Variants in BTBD8 observed in about 807,000 individuals in gnomAD.
BTBD8 encodes BTB/POZ domain-containing protein 8.
A neutral mutation model predicts 162.9 loss-of-function variants in BTBD8; 110 were observed. The ratio of observed to expected loss-of-function variants is 0.68; its 90% CI spans 0.58 to 0.79. The LOEUF (loss-of-function observed/expected upper bound fraction) is 0.79, where lower values mean the gene tolerates loss of function less well. BTBD8 is among the 30% of genes least tolerant of loss of function. The probability of loss-of-function intolerance (pLI) is 0.00; values close to 1 mark genes in which losing one functional copy is unlikely to be tolerated. For synonymous variants in BTBD8, 667 were observed against 716.1 expected (o/e 0.93, Z 1.10); for missense variants, 1,905 against 2,085.4 (o/e 0.91, Z 1.68).
At chr1:92,114,886 G>A (rs1648992923) in intron 4 of BTBD8, 2 of 326,992 alleles carry the variant, frequency 6.1e-6, no homozygotes, top group Middle Eastern at 1.2e-3. Flanking sequence ...AAATGAGCTT[G>A]ACAAAGTGGT....
chr1:92,100,271 A>G (rs1287877958), intron 2 of BTBD8, among the ~76,000 whole-genome samples: 1 of 152,168 alleles, frequency 6.6e-6, no homozygotes, highest in Non-Finnish European at 1.5e-5. Flanking sequence ...TTACACTAAT[A>G]AGGAATGTTG....
rs1219499843 is a variant in BTBD8 at position 92,177,881 on chromosome 1, C to G, written c.2424C>G (p.Asp808Glu). 1 of 1,524,104 alleles carries G rather than the reference C, an allele frequency of 6.6e-7. No homozygotes were observed. Among genetic ancestry groups the G allele is most frequent in the Admixed American group, 2.0e-5 (1 of 50,752 alleles). The allele number at this position is 1,524,104 out of a possible 1,614,324, so 94.4% of individuals were successfully genotyped here. A position where few individuals can be genotyped will look rare whatever the true frequency, so the allele number is the denominator to read the frequency against. The stretch of plus-strand genomic sequence containing the variant: ...ATAAAAAAAGTATTCATGAACAAGA[C>G]ACTAATGTAAATAACAGGTAGGTCT... ...TSNKKSIHEQDTNVNNSVLKK... is the reference protein window; with the variant it reads ...TSNKKSIHEQETNVNNSVLKK... Residue 808 changes from aspartate (D) to glutamate (E), a missense_variant, in exon 15 of 18, where the codon GAC (aspartate) becomes GAG (glutamate). Coordinates refer to ENST00000636805, the MANE Select transcript of BTBD8 (RefSeq NM_001376131.1).
chr1:92,163,893 C>G (rs1430733995), intron 9 of BTBD8, among the ~76,000 whole-genome samples: 1 of 152,058 alleles, frequency 6.6e-6, no homozygotes, highest in Non-Finnish European at 1.5e-5. Flanking sequence ...GACAATTATA[C>G]TCTATATCTG....
intron 5 of BTBD8, among the ~76,000 whole-genome samples, chr1:92,132,976 C>T (rs2101932604): frequency 6.6e-6 from 1 of 152,092 alleles, no homozygotes; most frequent in South Asian, 2.1e-4. Context: ...TTTGCCTTTC[C>T]CTGTTGTATC....
At chr1:92,154,982 A>G (rs1026633562) in intron 9 of BTBD8, among the ~76,000 whole-genome samples, 1 of 152,140 alleles carries the variant, frequency 6.6e-6, no homozygotes, top group African/African-American at 2.4e-5. Context: ...TTGCTTATGG[A>G]TATCCAGTTT....
At chr1:92,088,087 A>G (rs1233606107) in intron 1 of BTBD8, among the ~76,000 whole-genome samples, 1 of 152,188 alleles carries the variant, frequency 6.6e-6, no homozygotes, top group African/African-American at 2.4e-5. Context: ...CATTTTAATG[A>G]TAGATTAGAG....
rs753226586 is a variant in BTBD8 at position 92,177,130 on chromosome 1, A to T, written c.1937A>T (p.Asp646Val). The T allele has an allele frequency of 6.4e-7, 1 of 1,551,646 alleles. No homozygotes were observed. The highest frequency in any genetic ancestry group is 1.4e-5 in the African/African-American group (1 of 73,050). Reference sequence around the variant, plus strand: ...ACAAAATCCAAAACAGAAAATGGTGATAAGGCACGGTTGGAAAACATGTCA... The same window carrying T: ...ACAAAATCCAAAACAGAAAATGGTGTTAAGGCACGGTTGGAAAACATGTCA... ...TVTKSKTENG[D>V]KARLENMSPR... The change falls in exon 14 of 18, where the codon GAT (aspartate) becomes GTT (valine). Residue 646 changes from aspartate to valine, a missense_variant. By Grantham distance (152) the Asp-to-Val change is radical (BLOSUM62 -3). This residue lies in a region of BTBD8 where 1,374 missense variants were observed against 1,442.7 expected (regional missense o/e 0.95). Transcript: ENST00000636805.
intron 9 of BTBD8, among the ~76,000 whole-genome samples, chr1:92,163,546 C>G (rs971794577): frequency 6.6e-6 from 1 of 151,248 alleles, no homozygotes; most frequent in Non-Finnish European, 1.5e-5. Flanking sequence ...GAGAGGAAGA[C>G]TTTTCCTAGA....
intron 17 of BTBD8, 65 bp downstream of exon 17, chr1:92,182,660 A>G (rs1650950961): frequency 3.0e-6 from 3 of 1,011,746 alleles, no homozygotes; most frequent in Non-Finnish European, 4.1e-6. Flanking sequence ...TTAAAGTTGT[A>G]TGAAGCCCTG....
At chr1:92,164,859 G>T (rs1007717028) in intron 9 of BTBD8, among the ~76,000 whole-genome samples, 3 of 151,634 alleles carry the variant, frequency 2.0e-5, no homozygotes, top group Non-Finnish European at 4.4e-5. Flanking sequence ...TCACCGTGTT[G>T]ACCAGGATGG....
intron 9 of BTBD8, among the ~76,000 whole-genome samples, chr1:92,158,658 C>G (rs1006451640): frequency 1.3e-5 from 2 of 152,120 alleles, no homozygotes; most frequent in Non-Finnish European, 2.9e-5. Flanking sequence ...AAATATACCA[C>G]TCTAGTGTTG....
At position 92,080,478 on chromosome 1, in the gene BTBD8, C is replaced by G. The variant is rs1230193715; in HGVS notation, c.-94C>G. On this transcript the variant is annotated 5_prime_UTR_variant, in exon 1 of 18. Coordinates refer to ENST00000636805, the MANE Select transcript of BTBD8 (RefSeq NM_001376131.1). ...CCTAGGGGGCGGATTTGGGTAGGAG[C>G]CGAGCGTTCGGTCGGAAACGCCCCC... The G allele has an allele frequency of 1.3e-6, 2 of 1,547,338 alleles. No individual in the cohort carries two copies. The highest frequency in any genetic ancestry group is 8.7e-7 in the Non-Finnish European group (1 of 1,151,698).
At chr1:92,080,754 T>C in intron 1 of BTBD8, 34 bp downstream of exon 1, 1 of 1,588,762 alleles carries the variant, frequency 6.3e-7, no homozygotes, top group Non-Finnish European at 8.6e-7. Context: ...CTGCTTCAGT[T>C]CCTAAATCGC....
In BTBD8 at chr1:92,178,407, A is replaced by G; in HGVS notation, c.2537A>G (p.Gln846Arg). ...ACTAGCAATGGATGTACTGCAGCTC[A>G]GCAGAGGACAAAGAGTACCCCATCT... ...RGTSNGCTAA[Q>R]QRTKSTPSNL... is the part of the protein sequence containing the mutation. The change falls in exon 16 of 18, where the codon CAG (glutamine) becomes CGG (arginine). Residue 846 changes from glutamine (Q) to arginine (R), a missense_variant. Physicochemically the swap from Gln to Arg is conservative, Grantham distance 43 (BLOSUM62 1). Around this residue, in one of 3 missense-constraint regions of BTBD8, gnomAD observed 1,374 missense variants for 1,442.7 expected, o/e 0.95. Transcript: ENST00000636805. The G allele has an allele frequency of 6.4e-7, 1 of 1,551,576 alleles. No individual in the cohort carries two copies.
chr1:92,127,550 G>T, intron 4 of BTBD8, among the ~76,000 whole-genome samples: 1 of 98,906 alleles, frequency 1.0e-5, no homozygotes, highest in Non-Finnish European at 2.0e-5. Flanking sequence ...GATTTTGGAA[G>T]TTTTTGTTTG....
At chr1:92,130,567 C>CAT (rs71710875) in intron 5 of BTBD8, among the ~76,000 whole-genome samples, 5 of 147,670 alleles carry the variant, frequency 3.4e-5, no homozygotes, top group Admixed American at 6.8e-5. Context: ...CACACACACA[C>CAT]ATATACGCAC....
chr1:92,088,590 G>A, intron 1 of BTBD8, 108 bp from the exon 2 acceptor site: 1 of 824,732 alleles, frequency 1.2e-6, no homozygotes, highest in Non-Finnish European at 1.7e-6. Flanking sequence ...ACTTTATGTT[G>A]CCTCTGTATT....
chr1:92,123,120 ATTATC>A (rs1206856645), intron 4 of BTBD8, among the ~76,000 whole-genome samples: 4 of 152,064 alleles, frequency 2.6e-5, no homozygotes, highest in Non-Finnish European at 4.4e-5. Context: ...CCCCCATTGA[ATTATC>A]TTAACGCCCT....
rs184869066 is a variant in BTBD8 at position 92,169,069 on chromosome 1, A to G, written c.1573+74A>G. 6.1e-3 allele frequency: 8,404 copies of G among 1,378,414 alleles called. 38 individuals are homozygous for G. The highest frequency in any genetic ancestry group is 7.5e-3 in the Non-Finnish European group (7,708 of 1,021,994). 85.4% of individuals were successfully genotyped at this position (1,378,414 alleles called of 1,614,324 possible). A position where few individuals can be genotyped will look rare whatever the true frequency, so the allele number is the denominator to read the frequency against. The stretch of plus-strand genomic sequence containing the variant: ...CAGCAGATATTTTGAGGGCATTCTG[A>G]TAAGTGAAAAGGTTAACATTTGTGT... On this transcript the variant is annotated intron_variant, in intron 12 of 17. Transcript: ENST00000636805.
Sources: allele counts gnomAD v4.1 joint callset (sites outside exome capture counted in the v4.1 genomes callset), GRCh38; gene constraint gnomAD v4.1.1; regional missense constraint gnomAD v4.1.1; transcripts MANE v1.5; gene names NCBI Gene and HGNC (gene_info 2026-07-23, HGNC 2026-07-21).